VCP: variants seen among roughly 807,000 people sequenced by gnomAD.
The protein encoded by VCP is transitional endoplasmic reticulum ATPase.
Under a neutral mutation model 85.7 loss-of-function variants are expected in VCP, and 6 were observed. That is an observed-to-expected ratio of 0.07 (90% confidence interval 0.04 to 0.14). The LOEUF is 0.14. Among genes scored for constraint, VCP ranks in the 10% least tolerant of loss-of-function variants. VCP has a pLI of 1.00. For missense variants in VCP, 353 were observed against 1,043.4 expected (o/e 0.34, Z 9.12); for synonymous variants, 384 against 367.1 (o/e 1.05, Z -0.53).
intron 1 of VCP, chr9:35,071,946 C>G (rs563704866): frequency 5.7e-6 from 6 of 1,051,486 alleles, no homozygotes; most frequent in African/African-American, 1.7e-5. Context: ...GGACCAAAGG[C>G]TTTCGGCGGG....
intron 5 of VCP, among the ~76,000 whole-genome samples, chr9:35,064,962 G>T (rs992313099): frequency 6.6e-6 from 1 of 152,122 alleles, no homozygotes; most frequent in African/African-American, 2.4e-5. Flanking sequence ...CCGACTCCTG[G>T]GTTCAACCGA....
chr9:35,062,094 G>T lies in VCP; in HGVS notation c.990C>A (p.Thr330=). 6.2e-7 allele frequency: 1 copy of T among 1,614,030 alleles called. No individual in the cohort carries two copies. The highest frequency in any genetic ancestry group is 8.5e-7 in the Non-Finnish European group (1 of 1,180,004). ...CCCTCTGCTTTAGGCCATCCATGAG[G>T]GTCAACAACTGTGATACAATGCGCC... The part of the protein sequence containing the change: ...VERRIVSQLL[T]LMDGLKQRAH... Residue 330 remains threonine (T), a synonymous_variant, in exon 9 of 17, where the codon ACC becomes ACA. Transcript: ENST00000358901.
intron 16 of VCP, 49 bp from the exon 17 acceptor site, chr9:35,057,271 TA>T (rs1486970250): frequency 6.2e-7 from 1 of 1,613,420 alleles, no homozygotes; most frequent in Non-Finnish European, 8.5e-7. Context: ...AGGGCCTGTG[TA>T]AGATTTCCAC....
At position 35,057,225 on chromosome 9, in the gene VCP, G is replaced by A. The variant is rs1393913036; in HGVS notation, c.2316-3C>T. ...CACCCTGGTTCCCTGAAGGGAATCT[G>A]TGTACAAGAGCAAAGCCAAAAAAGA... On this transcript the variant is annotated splice_polypyrimidine_tract_variant and splice_region_variant and intron_variant, in intron 16 of 16. Transcript: ENST00000358901. The A allele has an allele frequency of 6.2e-7, 1 of 1,614,200 alleles. No individual in the cohort carries two copies. Among genetic ancestry groups the A allele is most frequent in the Non-Finnish European group, 8.5e-7 (1 of 1,180,038 alleles).
Position 35,072,536 on chromosome 9 carries a change from C to A in VCP, c.-183G>T, listed in dbSNP as rs532330034. The A allele has an allele frequency of 3.2e-5, 23 of 721,446 alleles. No homozygotes were observed. The Admixed American group carries it at 9.9e-4, about 31-fold the overall frequency. The allele number at this position is 721,446 out of a possible 1,614,324, so 44.7% of individuals were successfully genotyped here. A position where few individuals can be genotyped will look rare whatever the true frequency, so the allele number is the denominator to read the frequency against. Reference sequence around the variant, plus strand: ...GCAGCGAGGCGTCGGGCGAACAACGCTGGCTCCTGATCCGCGAGGTGGCAG... The same window carrying A: ...GCAGCGAGGCGTCGGGCGAACAACGATGGCTCCTGATCCGCGAGGTGGCAG... On this transcript the variant is annotated 5_prime_UTR_variant, in exon 1 of 17. Transcript: ENST00000358901.
At position 35,066,837 on chromosome 9, in the gene VCP, T is replaced by C; in HGVS notation, c.303-20A>G. On this transcript the variant is annotated intron_variant, in intron 3 of 16. Transcript: ENST00000358901. ...TGGATGCTGAGGATGACAAGCAGAC[T>C]CCATATTACCAACCACACTTCGGGC... 1 of 1,613,620 alleles carries C rather than the reference T, an allele frequency of 6.2e-7. No homozygotes were observed.
intron 1 of VCP, chr9:35,072,040 G>A (rs1828961624): frequency 1.6e-6 from 2 of 1,214,554 alleles, no homozygotes; most frequent in Non-Finnish European, 2.1e-6. Flanking sequence ...GCCAGGCCCA[G>A]ACGTCCGTTC....
chr9:35,072,075 G>A, intron 1 of VCP: 3 of 1,289,098 alleles, frequency 2.3e-6, no homozygotes, highest in Non-Finnish European at 2.9e-6. Flanking sequence ...GGGCGGGCCG[G>A]GGCCTGCATG....
intron 4 of VCP, among the ~76,000 whole-genome samples, 156 bp from the exon 5 acceptor site, chr9:35,065,537 A>G (rs1214763157): frequency 6.6e-6 from 1 of 152,224 alleles, no homozygotes; most frequent in Non-Finnish European, 1.5e-5. Context: ...ACCTGTCTTA[A>G]TAAGCAGCAG....
At position 35,062,381 on chromosome 9, in the gene VCP, AAATGATAGTCT is replaced by A. The variant is rs764753926; in HGVS notation, c.812-42_812-32del. ...AGGATACAGAATGGAGACAATAACA[AAATGATAGTCT>A]TTCCCAATTCCTCCCAAAAATCAGT... On this transcript the variant is annotated intron_variant, in intron 7 of 16. Coordinates refer to ENST00000358901, the MANE Select transcript of VCP (RefSeq NM_007126.5). 1.8e-5 allele frequency: 29 copies of A among 1,613,934 alleles called. No homozygotes were observed. The South Asian group carries it at 2.7e-4, about 15-fold the overall frequency.
rs765420382 is a variant in VCP, at chr9:35,061,165, A to T, written c.1209T>A (p.Thr403=). Residue 403 remains threonine, a synonymous_variant, in exon 11 of 17, where the codon ACT becomes ACA. Transcript: ENST00000358901. ...CTAAGTCAGCACCCACATGCCCGTGAGTCTCATTGGCTACCTGCAGAGAAA... is the reference window on the plus strand; with the variant it reads ...CTAAGTCAGCACCCACATGCCCGTGTGTCTCATTGGCTACCTGCAGAGAAA... ...DVDLEQVANE[T]HGHVGADLAA... 6.2e-7 allele frequency: 1 copy of T among 1,613,458 alleles called. No individual in the cohort carries two copies. The highest frequency in any genetic ancestry group is 1.7e-5 in the Admixed American group (1 of 60,022).
At chr9:35,072,113 A>C in intron 1 of VCP, 10 of 1,358,898 alleles carry the variant, frequency 7.4e-6, no homozygotes, top group Non-Finnish European at 9.4e-6. Context: ...CCAGGCTCCG[A>C]CCCGGACCCA....
intron 1 of VCP, 119 bp downstream of exon 1, chr9:35,072,218 C>T (rs974648146): frequency 7.7e-5 from 112 of 1,454,018 alleles, no homozygotes; most frequent in Admixed American, 3.7e-4. Context: ...AGCTTCCCTT[C>T]CCTCTTTCCT....
At chr9:35,065,145 G>A in intron 5 of VCP, 106 bp downstream of exon 5, 2 of 1,541,612 alleles carry the variant, frequency 1.3e-6, no homozygotes, top group African/African-American at 1.4e-5. Context: ...TGGGATTACA[G>A]GTGTCAGCCA....
intron 1 of VCP, 154 bp downstream of exon 1, chr9:35,072,183 G>C: frequency 1.4e-6 from 2 of 1,425,750 alleles, no homozygotes; most frequent in Non-Finnish European, 1.8e-6. Flanking sequence ...GGCCTGCCGG[G>C]TCCACGGCCC....
intron 5 of VCP, among the ~76,000 whole-genome samples, chr9:35,065,015 G>C (rs2131036234): frequency 6.6e-6 from 1 of 152,246 alleles, no homozygotes; most frequent in Middle Eastern, 3.4e-3. Context: ...TTACAGATGT[G>C]TACCACCATG....
intron 3 of VCP, among the ~76,000 whole-genome samples, chr9:35,067,538 G>A (rs555084817): frequency 6.6e-6 from 1 of 152,102 alleles, no homozygotes; most frequent in Non-Finnish European, 1.5e-5. Flanking sequence ...AGACATACTA[G>A]TGAGAGTAGT....
Position 35,056,938 on chromosome 9 carries a change from T to G in VCP, c.*179A>C. On this transcript the variant is annotated 3_prime_UTR_variant, in exon 17 of 17. Coordinates refer to ENST00000358901, the MANE Select transcript of VCP (RefSeq NM_007126.5). ...GAAAATCGCTTTTATTTTATCGCTT[T>G]TGTTTTGTATTTTTGCAACAGAAAC... The G allele has an allele frequency of 1.5e-6, 1 of 663,062 alleles. No homozygotes were observed. Among genetic ancestry groups the G allele is most frequent in the South Asian group, 1.6e-5 (1 of 61,508 alleles). The allele number at this position is 663,062 out of a possible 1,614,324, so 41.1% of individuals were successfully genotyped here.
At chr9:35,066,856 T>TGGTG in intron 3 of VCP, 39 bp from the exon 4 acceptor site, 1 of 1,613,364 alleles carries the variant, frequency 6.2e-7, no homozygotes, top group Non-Finnish European at 8.5e-7. Context: ...CCAACCACAC[T>TGGTG]TCGGGCCCAA....
Sources: gnomAD v4.1 joint callset for allele counts (sites outside exome capture counted in the v4.1 genomes callset) on GRCh38, gnomAD v4.1.1 for gene constraint, MANE v1.5 for transcripts, NCBI Gene and HGNC (gene_info 2026-07-23, HGNC 2026-07-21) for gene names.